Variants in MAEL observed in about 807,000 individuals in gnomAD.
MAEL encodes maelstrom spermatogenic transposon silencer, also known as protein maelstrom homolog.
Under a neutral mutation model 62.0 loss-of-function variants are expected in MAEL, and 46 were observed. The observed-to-expected ratio is 0.74, with a 90% CI of 0.59 to 0.95. MAEL has a LOEUF of 0.95. Among genes scored for constraint, MAEL ranks in the 40% least tolerant of loss-of-function variants. The pLI, the probability that MAEL is intolerant of heterozygous loss-of-function variation, is 0.00. For synonymous variants in MAEL, 172 were observed against 175.5 expected (o/e 0.98, Z 0.16); for missense variants, 497 against 526.8 (o/e 0.94, Z 0.55).
intron 8 of MAEL, among the ~76,000 whole-genome samples, chr1:167,013,857 T>C (rs915573388): frequency 6.6e-6 from 1 of 152,344 alleles, no homozygotes; most frequent in African/African-American, 2.4e-5. Context: ...GGCTTTGCTC[T>C]AAGGTACCAG....
intron 5 of MAEL, among the ~76,000 whole-genome samples, chr1:166,995,454 G>A (rs920414703): frequency 1.3e-5 from 2 of 151,940 alleles, no homozygotes; most frequent in African/African-American, 4.8e-5. Flanking sequence ...GATCAGGCTG[G>A]TCTCAAAACT....
intron 1 of MAEL, among the ~76,000 whole-genome samples, chr1:166,982,157 A>G (rs1663777102): frequency 6.6e-6 from 1 of 152,242 alleles, no homozygotes; most frequent in African/African-American, 2.4e-5. Flanking sequence ...TTGAGTTACT[A>G]AAGATCTGAG....
chr1:166,989,117 T>G (rs540060616), upstream of MAEL: 21 of 551,184 alleles, frequency 3.8e-5, no homozygotes, highest in South Asian at 4.6e-4. Context: ...TCAGAGCACT[T>G]GGCACCTGCG....
In MAEL at chr1:167,005,117, G is replaced by A; in HGVS notation, c.690G>A (p.Met230Ile). The A allele has an allele frequency of 1.2e-6, 2 of 1,613,596 alleles. No homozygotes were observed. Among genetic ancestry groups the A allele is most frequent in the Non-Finnish European group, 1.7e-6 (2 of 1,179,730 alleles). ...GAGTCAACTGGTGTTTGAAGCATAT[G>A]GCAAAGGCATCAGGTAAGTAAAACT... ...RTRVNWCLKHMAKASEIRQDL... is the reference protein window; with the variant it reads ...RTRVNWCLKHIAKASEIRQDL... Residue 230 changes from methionine to isoleucine, a missense_variant, in exon 7 of 12, where the codon ATG (methionine) becomes ATA (isoleucine). Coordinates refer to ENST00000367872, the MANE Select transcript of MAEL (RefSeq NM_032858.3).
intron 5 of MAEL, among the ~76,000 whole-genome samples, chr1:166,998,448 G>T (rs1427961580): frequency 6.6e-6 from 1 of 152,010 alleles, no homozygotes; most frequent in African/African-American, 2.4e-5. Flanking sequence ...CCCACCCATT[G>T]GTAAACTCTT....
At chr1:167,011,687 G>C (rs1374598861) in intron 8 of MAEL, among the ~76,000 whole-genome samples, 1 of 152,064 alleles carries the variant, frequency 6.6e-6, no homozygotes, top group African/African-American at 2.4e-5. Flanking sequence ...TCTTTAAATG[G>C]TTTATTGACT....
upstream of MAEL, among the ~76,000 whole-genome samples, chr1:166,986,945 C>CGTGTGTGTGT (rs58393275): frequency 0.043 from 6,347 of 147,068 alleles, 246 homozygotes; most frequent in Admixed American, 0.13. Context: ...AGGAAGGGGA[C>CGTGTGTGTGT]GTGTGTGTGT....
At chr1:166,979,631 AT>A (rs1557966750) in intron 1 of MAEL, among the ~76,000 whole-genome samples, 1 of 152,242 alleles carries the variant, frequency 6.6e-6, no homozygotes. Flanking sequence ...CTATCTAGAA[AT>A]TTAAAAAGGT....
upstream of MAEL, among the ~76,000 whole-genome samples, chr1:166,986,946 G>GT (rs1491477481): frequency 4.9e-4 from 1 of 2,022 alleles, no homozygotes; most frequent in Non-Finnish European, 8.6e-4. Context: ...GGAAGGGGAC[G>GT]TGTGTGTGTG....
chr1:167,009,971 AT>A (rs1217501099), intron 8 of MAEL, among the ~76,000 whole-genome samples: 1 of 151,954 alleles, frequency 6.6e-6, no homozygotes, highest in Non-Finnish European at 1.5e-5. Flanking sequence ...AGGATATTTA[AT>A]TTAACATGGA....
chr1:166,991,658 A>C (rs1017423638), intron 3 of MAEL, among the ~76,000 whole-genome samples, 181 bp downstream of exon 3: 5 of 150,698 alleles, frequency 3.3e-5, no homozygotes, highest in Admixed American at 3.3e-4. Flanking sequence ...AAAATAGGAG[A>C]GTGGTTTTTT....
chr1:167,000,465 ATAAAC>A (rs1395584547), intron 5 of MAEL, among the ~76,000 whole-genome samples: 1 of 152,254 alleles, frequency 6.6e-6, no homozygotes, highest in East Asian at 1.9e-4. Context: ...GGGTGAGAAA[ATAAAC>A]TAGTTGCTTG....
At chr1:166,982,662 A>T (rs565427484) in intron 1 of MAEL, among the ~76,000 whole-genome samples, 98 of 148,896 alleles carry the variant, frequency 6.6e-4, no homozygotes, top group East Asian at 4.3e-3. Flanking sequence ...ATACTTAATT[A>T]AAAAAAAAAG....
chr1:166,988,145 G>A (rs894697715), upstream of MAEL, among the ~76,000 whole-genome samples: 28 of 152,056 alleles, frequency 1.8e-4, no homozygotes, highest in African/African-American at 6.8e-4. Flanking sequence ...GCCCAGAAGT[G>A]TGAGACCAGC....
intron 8 of MAEL, among the ~76,000 whole-genome samples, chr1:167,009,359 T>G (rs1157636251): frequency 6.6e-6 from 1 of 152,232 alleles, no homozygotes; most frequent in African/African-American, 2.4e-5. Context: ...CTTCATTTCA[T>G]GGCTTTGTGT....
chr1:167,004,997 A>T, intron 6 of MAEL, 79 bp from the exon 7 acceptor site: 1 of 1,374,786 alleles, frequency 7.3e-7, no homozygotes, highest in East Asian at 2.4e-5. Flanking sequence ...TTTTGAAAGG[A>T]CAGCATTAGA....
rs538754071 is a variant in MAEL at position 166,993,590 on chromosome 1, T to G, written c.482-438T>G. ...AAGCTAATCATCCTACTCACACTTG[T>G]GAGTGTTGCTACTTAGGACAAGTCA... On this transcript the variant is annotated intron_variant, in intron 4 of 11. Coordinates refer to ENST00000367872, the MANE Select transcript of MAEL (RefSeq NM_032858.3). Among the ~76,000 whole-genome samples the G allele has an allele frequency of 1.4e-4, 22 of 152,344 alleles. No homozygotes were observed. In the South Asian group the frequency reaches 4.1e-3, roughly 29 times the overall value.
Position 166,989,308 on chromosome 1 carries a change from C to A in MAEL, c.-45C>A, listed in dbSNP as rs199628429. ...TAGGGCGGGAGCCCGGCGAGGGCGC[C>A]GGTGCTTTGTTCTGTCTGAGGCCAG... On this transcript the variant is annotated 5_prime_UTR_variant, in exon 1 of 12. Transcript: ENST00000367872. The A allele has an allele frequency of 2.1e-4, 339 of 1,584,618 alleles. No individual in the cohort carries two copies. Among genetic ancestry groups the A allele is most frequent in the Non-Finnish European group, 2.6e-4 (308 of 1,164,390 alleles).
At position 167,021,837 on chromosome 1, in the gene MAEL, T is replaced by C. The variant is rs769089748; in HGVS notation, c.1287T>C (p.Ser429=). The part of the protein sequence containing the change: ...PYMSQKDGYK[S]FSSLS ...TGTCCCAAAAAGATGGATACAAATC[T>C]TTCTCTTCCTTATCTTAATGATGGT... Residue 429 remains serine, a synonymous_variant, in exon 12 of 12, where the codon TCT becomes TCC. Coordinates refer to ENST00000367872, the MANE Select transcript of MAEL (RefSeq NM_032858.3). 2 of 1,606,880 alleles carry C rather than the reference T, an allele frequency of 1.2e-6. No homozygotes were observed. The highest frequency in any genetic ancestry group is 2.2e-5 in the East Asian group (1 of 44,816).
Sources: allele counts gnomAD v4.1 joint callset (sites outside exome capture counted in the v4.1 genomes callset), GRCh38; gene constraint gnomAD v4.1.1; transcripts MANE v1.5; gene names NCBI Gene and HGNC (gene_info 2026-07-23, HGNC 2026-07-21).